The following IL1RAPL1 variants were observed in gnomAD, a reference collection of about 807,000 sequenced individuals.
The protein encoded by IL1RAPL1 is interleukin-1 receptor accessory protein-like 1.
Under a neutral mutation model 48.4 loss-of-function variants are expected in IL1RAPL1, and 3 were observed. The observed-to-expected ratio is 0.06, with a 90% CI of 0.03 to 0.16. IL1RAPL1 has a LOEUF of 0.16. IL1RAPL1 is among the 10% of genes least tolerant of loss of function. The pLI, the probability that IL1RAPL1 is intolerant of heterozygous loss-of-function variation, is 1.00. For missense variants in IL1RAPL1, 349 were observed against 530.6 expected (o/e 0.66, Z 3.36); for synonymous variants, 185 against 187.7 (o/e 0.99, Z 0.12).
intron 5 of IL1RAPL1, among the ~76,000 whole-genome samples, chrX:29,532,922 C>T (rs781665200): frequency 3.8e-4 from 42 of 111,740 alleles, no homozygotes; most frequent in Non-Finnish European, 4.3e-4. Context: ...TACAGGAATG[C>T]AGAGCACTAA....
At chrX:29,739,713 G>A (rs747357024) in intron 6 of IL1RAPL1, among the ~76,000 whole-genome samples, 3 of 111,204 alleles carry the variant, frequency 2.7e-5, no homozygotes, top group African/African-American at 9.8e-5. Flanking sequence ...TGCAAATTTA[G>A]AGTACCTTGC....
At chrX:29,231,515 G>A (rs1931202005) in intron 2 of IL1RAPL1, among the ~76,000 whole-genome samples, 1 of 111,721 alleles carries the variant, frequency 9.0e-6, no homozygotes, top group Non-Finnish European at 1.9e-5. Context: ...TAATCTTTGA[G>A]GTTGTTTCTG....
chrX:29,746,339 A>G (rs995675183), intron 6 of IL1RAPL1, among the ~76,000 whole-genome samples: 2 of 112,028 alleles, frequency 1.8e-5, no homozygotes, highest in Non-Finnish European at 3.8e-5. Context: ...ATTTTATTGT[A>G]AGGAAAGAAC....
At chrX:29,330,383 C>T (rs1932874994) in intron 3 of IL1RAPL1, among the ~76,000 whole-genome samples, 1 of 111,403 alleles carries the variant, frequency 9.0e-6, no homozygotes, top group South Asian at 3.8e-4. Flanking sequence ...GCCCCTTCCC[C>T]GGTTTAGGGC....
intron 1 of IL1RAPL1, among the ~76,000 whole-genome samples, chrX:28,677,640 T>C (rs1429149772): frequency 1.8e-5 from 2 of 109,336 alleles, no homozygotes; most frequent in African/African-American, 6.7e-5. Flanking sequence ...CAGGCTGGAG[T>C]GCAGTGGGGT....
chrX:29,636,701 G>A, intron 5 of IL1RAPL1, among the ~76,000 whole-genome samples: 1 of 111,600 alleles, frequency 9.0e-6, no homozygotes, highest in Middle Eastern at 4.6e-3. Flanking sequence ...TGTACTATGT[G>A]TATGTAAAGC....
At chrX:28,659,623 G>A (rs1339244247) in intron 1 of IL1RAPL1, among the ~76,000 whole-genome samples, 1 of 111,525 alleles carries the variant, frequency 9.0e-6, no homozygotes, top group East Asian at 2.8e-4. Flanking sequence ...GAACACAATT[G>A]CTCCAATTAG....
At chrX:29,575,047 T>C (rs1922730335) in intron 5 of IL1RAPL1, among the ~76,000 whole-genome samples, 1 of 111,679 alleles carries the variant, frequency 9.0e-6, no homozygotes, top group Admixed American at 9.5e-5. Context: ...AACAAGTCTC[T>C]AGAAAGTTCC....
intron 2 of IL1RAPL1, among the ~76,000 whole-genome samples, chrX:28,837,579 C>T (rs1450338835): frequency 9.3e-6 from 1 of 107,784 alleles, no homozygotes; most frequent in Non-Finnish European, 1.9e-5. Flanking sequence ...AGCAACAGGG[C>T]AAGAGATGAT....
At chrX:29,840,940 G>C (rs1931124286) in intron 6 of IL1RAPL1, among the ~76,000 whole-genome samples, 1 of 111,878 alleles carries the variant, frequency 8.9e-6, no homozygotes, top group Non-Finnish European at 1.9e-5. Context: ...AACATTAATA[G>C]GGTGATTACC....
chrX:29,713,819 A>C (rs985253585), intron 6 of IL1RAPL1, among the ~76,000 whole-genome samples: 3 of 112,378 alleles, frequency 2.7e-5, no homozygotes, highest in Non-Finnish European at 5.6e-5. Context: ...TGTAATGCAT[A>C]ACTCTAGAGA....
intron 6 of IL1RAPL1, among the ~76,000 whole-genome samples, chrX:29,766,702 A>AATATATAAAT (rs1030486236): frequency 4.7e-5 from 4 of 84,301 alleles, no homozygotes; most frequent in African/African-American, 1.0e-4. Context: ...ATTAATATAT[A>AATATATAAAT]ATATATAATA....
chrX:28,964,897 A>G (rs756559623), intron 2 of IL1RAPL1, among the ~76,000 whole-genome samples: 1 of 110,954 alleles, frequency 9.0e-6, no homozygotes, highest in African/African-American at 3.3e-5. Flanking sequence ...GCGTACATGC[A>G]TGTGTGAATT....
chrX:29,166,919 A>G (rs369509362), intron 2 of IL1RAPL1, among the ~76,000 whole-genome samples: 7 of 111,888 alleles, frequency 6.3e-5, no homozygotes, highest in African/African-American at 2.3e-4. Context: ...GAATTTCCAG[A>G]TTCAATGTCA....
At chrX:29,733,130 C>T (rs1452881479) in intron 6 of IL1RAPL1, among the ~76,000 whole-genome samples, 1 of 111,246 alleles carries the variant, frequency 9.0e-6, no homozygotes, top group Non-Finnish European at 1.9e-5. Context: ...TCAAAGCCTA[C>T]TTTCTTCATG....
intron 6 of IL1RAPL1, among the ~76,000 whole-genome samples, chrX:29,751,319 A>T (rs1928456206): frequency 9.0e-6 from 1 of 111,675 alleles, no homozygotes; most frequent in Non-Finnish European, 1.9e-5. Context: ...TAAATAAATT[A>T]TCATGTACTA....
intron 2 of IL1RAPL1, among the ~76,000 whole-genome samples, chrX:29,226,741 C>A (rs1299360341): frequency 1.1e-5 from 1 of 91,666 alleles, no homozygotes; most frequent in East Asian, 2.9e-4. Flanking sequence ...GCTGATTCGT[C>A]CATTTTTAAC....
intron 3 of IL1RAPL1, among the ~76,000 whole-genome samples, chrX:29,297,095 G>C (rs1239903917): frequency 9.0e-6 from 1 of 111,645 alleles, no homozygotes; most frequent in African/African-American, 3.3e-5. Flanking sequence ...TGTTCTATAA[G>C]AGCCGTGATT....
intron 8 of IL1RAPL1, among the ~76,000 whole-genome samples, chrX:29,926,096 C>T (rs762910561): frequency 9.0e-6 from 1 of 110,802 alleles, no homozygotes; most frequent in East Asian, 2.8e-4. Context: ...GCAACCTCCA[C>T]CTCCTGAGTT....
Sources: gnomAD v4.1 joint callset for allele counts (sites outside exome capture counted in the v4.1 genomes callset) on GRCh38, gnomAD v4.1.1 for gene constraint, MANE v1.5 for transcripts, NCBI Gene and HGNC (gene_info 2026-07-23, HGNC 2026-07-21) for gene names.